DOCK2: variants seen among roughly 807,000 people sequenced by gnomAD.
The protein encoded by DOCK2 is dedicator of cytokinesis 2.
A neutral mutation model predicts 248.9 loss-of-function variants in DOCK2; 87 were observed. The ratio of observed to expected loss-of-function variants is 0.35; its 90% CI spans 0.29 to 0.42. The LOEUF is 0.42. Among genes scored for constraint, DOCK2 ranks in the 10% least tolerant of loss-of-function variants. The pLI is 1.00. For missense variants in DOCK2, 1,747 were observed against 2,300.2 expected, an observed-to-expected ratio of 0.76 and a Z score of 4.92; for synonymous variants, 805 against 821.6, an observed-to-expected ratio of 0.98 and a Z score of 0.35.
chr5:170,058,822 AC>A (rs1757226476), intron 44 of DOCK2, among the ~76,000 whole-genome samples: 1 of 152,136 alleles, frequency 6.6e-6, no homozygotes, highest in Admixed American at 6.5e-5. Flanking sequence ...TTTCACTTCT[AC>A]CCTTAATGCC....
chr5:170,065,666 G>C (rs1191263750), intron 44 of DOCK2, among the ~76,000 whole-genome samples: 1 of 152,214 alleles, frequency 6.6e-6, no homozygotes, highest in Non-Finnish European at 1.5e-5. Flanking sequence ...AGCAGGCAAA[G>C]AGAGAGCTTG....
intron 44 of DOCK2, among the ~76,000 whole-genome samples, chr5:170,060,043 T>C (rs544660848): frequency 4.6e-5 from 7 of 152,374 alleles, no homozygotes; most frequent in Non-Finnish European, 8.8e-5. Context: ...TATGAATTTG[T>C]ATCTTGTTCT....
At chr5:170,035,688 A>G (rs1756299227) in intron 35 of DOCK2, among the ~76,000 whole-genome samples, 1 of 152,162 alleles carries the variant, frequency 6.6e-6, no homozygotes, top group African/African-American at 2.4e-5. Flanking sequence ...TTGCTTAAAT[A>G]TGGTGTCAAG....
Position 169,803,202 on chromosome 5 carries a change from A to T in DOCK2, c.2699A>T (p.Asp900Val), listed in dbSNP as rs1184024458. 6.2e-7 allele frequency: 1 copy of T among 1,613,234 alleles called. No individual in the cohort carries two copies. The highest frequency in any genetic ancestry group is 1.7e-5 in the Admixed American group (1 of 59,762). ...ATCTTGGAAGTCCTTAGCTACCAGGATGCGGTGAGTCCTCCTGATGATGTA... is the reference window on the plus strand; with the variant it reads ...ATCTTGGAAGTCCTTAGCTACCAGGTTGCGGTGAGTCCTCCTGATGATGTA... ...NSILEVLSYQ[D>V]AAFTYHHIQE... Residue 900 changes from aspartate to valine, a missense_variant, in exon 26 of 52, where the codon GAT (aspartate) becomes GTT (valine). Physicochemically the swap from Asp to Val is radical, Grantham distance 152. Coordinates refer to ENST00000520908, the MANE Select transcript of DOCK2 (RefSeq NM_004946.3).
At chr5:169,851,348 A>T (rs1212130820) in intron 27 of DOCK2, among the ~76,000 whole-genome samples, 3 of 152,338 alleles carry the variant, frequency 2.0e-5, no homozygotes, top group African/African-American at 7.2e-5. Context: ...CAGCTGGAGC[A>T]TAAAAGAGCA....
intron 22 of DOCK2, among the ~76,000 whole-genome samples, chr5:169,747,067 C>A (rs987128019): frequency 6.6e-6 from 1 of 152,198 alleles, no homozygotes; most frequent in Non-Finnish European, 1.5e-5. Flanking sequence ...TGATCACAAT[C>A]TTTCCTCTGA....
intron 22 of DOCK2, among the ~76,000 whole-genome samples, chr5:169,737,331 A>G (rs1763090156): frequency 6.6e-6 from 1 of 152,168 alleles, no homozygotes; most frequent in Non-Finnish European, 1.5e-5. Context: ...ATTGCCTAAA[A>G]GGGTAGGAAG....
intron 14 of DOCK2, among the ~76,000 whole-genome samples, chr5:169,707,587 A>G (rs532988212): frequency 1.3e-5 from 2 of 152,276 alleles, no homozygotes; most frequent in East Asian, 1.9e-4. Context: ...AGTGCACAGC[A>G]TGGAGTACCA....
At chr5:169,945,183 C>T (rs1315436315) in intron 27 of DOCK2, among the ~76,000 whole-genome samples, 1 of 152,242 alleles carries the variant, frequency 6.6e-6, no homozygotes, top group African/African-American at 2.4e-5. Context: ...AGCAGACAGG[C>T]TGGTTGTGCT....
chr5:169,708,083 G>T (rs1221312555), intron 14 of DOCK2, 86 bp from the exon 15 acceptor site: 3 of 1,415,464 alleles, frequency 2.1e-6, no homozygotes, highest in Non-Finnish European at 2.9e-6. Flanking sequence ...CCCTAAGGCT[G>T]GTCGTGGCCT....
intron 5 of DOCK2, among the ~76,000 whole-genome samples, chr5:169,671,732 A>G (rs948539183): frequency 6.6e-6 from 1 of 152,248 alleles, no homozygotes; most frequent in Non-Finnish European, 1.5e-5. Flanking sequence ...TAAGCAAACC[A>G]TTAAGCTGAG....
chr5:169,739,871 T>C (rs1763222154), intron 22 of DOCK2, among the ~76,000 whole-genome samples: 1 of 152,252 alleles, frequency 6.6e-6, no homozygotes. Flanking sequence ...GTAATCTATA[T>C]ATTTCTCTGT....
At chr5:169,711,680 A>G (rs973363153) in intron 15 of DOCK2, among the ~76,000 whole-genome samples, 28 of 152,174 alleles carry the variant, frequency 1.8e-4, no homozygotes, top group South Asian at 4.1e-4. Flanking sequence ...ATTTTTCCTC[A>G]CTATAATTTA....
intron 22 of DOCK2, among the ~76,000 whole-genome samples, chr5:169,744,806 G>A (rs73801930): frequency 0.044 from 6,757 of 152,180 alleles, 467 homozygotes; most frequent in African/African-American, 0.14. Flanking sequence ...TTCAGTTATG[G>A]AGGGTAGGAT....
intron 27 of DOCK2, among the ~76,000 whole-genome samples, chr5:169,866,375 G>C (rs11134594): frequency 0.34 from 51,169 of 152,154 alleles, 9,866 homozygotes; most frequent in Admixed American, 0.43. Flanking sequence ...TGAGATCTTG[G>C]GGAAGTCATT....
chr5:170,003,475 C>T (rs1298807518), intron 30 of DOCK2, among the ~76,000 whole-genome samples: 2 of 152,240 alleles, frequency 1.3e-5, no homozygotes, highest in Non-Finnish European at 2.9e-5. Context: ...AATAAGTGCT[C>T]CTCAAATCAG....
At chr5:169,717,623 T>C in intron 21 of DOCK2, 139 bp downstream of exon 21, 2 of 768,930 alleles carry the variant, frequency 2.6e-6, no homozygotes, top group Non-Finnish European at 2.2e-6. Flanking sequence ...ATCTAACCTA[T>C]GCTTGGGTTA....
intron 41 of DOCK2, 63 bp from the exon 42 acceptor site, chr5:170,055,242 C>A: frequency 1.3e-6 from 2 of 1,524,640 alleles, no homozygotes; most frequent in East Asian, 2.3e-5. Context: ...CAGCAAGGAC[C>A]AGCTATACTT....
rs73322029 is a variant in DOCK2, at chr5:169,772,514, G to A, written c.2554+10889G>A. ...ACTGCTTATTATGCACTGGCACTGTGCTAAACAGTTAGGTATATTATCTCA... is the reference window on the plus strand; with the variant it reads ...ACTGCTTATTATGCACTGGCACTGTACTAAACAGTTAGGTATATTATCTCA... On this transcript the variant is annotated intron_variant, in intron 25 of 51. Coordinates refer to ENST00000520908, the MANE Select transcript of DOCK2 (RefSeq NM_004946.3). 7.6e-3 allele frequency among the ~76,000 whole-genome samples: 1,160 copies of A among 152,284 alleles called. 16 individuals are homozygous for A. Among genetic ancestry groups the A allele is most frequent in the African/African-American group, 0.025 (1,045 of 41,552 alleles).
Sources: gnomAD v4.1 joint callset for allele counts (sites outside exome capture counted in the v4.1 genomes callset) on GRCh38, gnomAD v4.1.1 for gene constraint, MANE v1.5 for transcripts, NCBI Gene and HGNC (gene_info 2026-07-23, HGNC 2026-07-21) for gene names.